MALRD1: variants seen among roughly 807,000 people sequenced by gnomAD.
MALRD1 encodes the protein MAM and LDL-receptor class A domain-containing protein 1.
In MALRD1, 247 loss-of-function variants were observed where a neutral mutation model predicts 242.1. That is an observed-to-expected ratio of 1.02 (90% CI 0.92 to 1.13). The LOEUF (loss-of-function observed/expected upper bound fraction) is 1.13. MALRD1 is among the 50% of genes most tolerant of loss of function. The pLI is 0.00. For synonymous variants in MALRD1, 995 were observed against 866.6 expected (o/e 1.15, Z -2.60); for missense variants, 2,989 against 2,533.1 (o/e 1.18, Z -3.86).
At chr10:19,312,382 A>ATATATATG (rs927808125) in intron 21 of MALRD1, among the ~76,000 whole-genome samples, 1 of 144,800 alleles carries the variant, frequency 6.9e-6, no homozygotes, top group African/African-American at 2.6e-5. Context: ...GAATGTGTAT[A>ATATATATG]TATATATATA....
At chr10:19,608,682 T>C (rs1838747380) in intron 35 of MALRD1, among the ~76,000 whole-genome samples, 1 of 152,112 alleles carries the variant, frequency 6.6e-6, no homozygotes, top group Non-Finnish European at 1.5e-5. Context: ...TCTGTATCTT[T>C]CAAGAGAGGA....
intron 36 of MALRD1, among the ~76,000 whole-genome samples, chr10:19,637,077 C>T (rs2131667742): frequency 6.6e-6 from 1 of 152,004 alleles, no homozygotes; most frequent in African/African-American, 2.4e-5. Flanking sequence ...AAATTGATAA[C>T]CAAAAAGTCA....
At chr10:19,077,521 C>G (rs2358286) in intron 2 of MALRD1, among the ~76,000 whole-genome samples, 75,918 of 151,564 alleles carry the variant, frequency 0.5, 19,099 homozygotes, top group Middle Eastern at 0.58. Context: ...TGCCCTGATT[C>G]AAGAGTTTGG....
chr10:19,054,555 A>G (rs1037689084), intron 1 of MALRD1, among the ~76,000 whole-genome samples: 14 of 152,128 alleles, frequency 9.2e-5, no homozygotes, highest in African/African-American at 3.4e-4. Flanking sequence ...TTATCTTCCC[A>G]TTATTGCCGC....
At chr10:19,142,229 G>A (rs1833575709) in intron 10 of MALRD1, among the ~76,000 whole-genome samples, 1 of 140,046 alleles carries the variant, frequency 7.1e-6, no homozygotes, top group Non-Finnish European at 1.6e-5. Context: ...TGAAGGGAAA[G>A]GAAATACCAA....
rs1554842468 is a variant in MALRD1 at position 19,376,542 on chromosome 10, C to CATTTTTTTTTTTTTTTTTTTTTTTTTTTT, written c.4442-10986_4442-10985insATTTTTTTTTTTTTTTTTTTTTTTTTTTT. Reference sequence around the variant, plus strand: ...TTGAAAGTCAAGGAGTTGATACATTCTTTTTTTTTTTTTTTTTTTTTTTTT... The same window carrying CATTTTTTTTTTTTTTTTTTTTTTTTTTTT: ...TTGAAAGTCAAGGAGTTGATACATTCATTTTTTTTTTTTTTTTTTTTTTTTTTTTTTTTTTTTTTTTTTTTTTTTTTTTT... On this transcript the variant is annotated intron_variant, in intron 26 of 39. Transcript: ENST00000454679. Among the ~76,000 whole-genome samples, 2 of 94,992 alleles carry CATTTTTTTTTTTTTTTTTTTTTTTTTTTT rather than the reference C, an allele frequency of 2.1e-5. 1 individual carries two copies. The allele number at this position is 94,992 out of a possible 152,430, so 62.3% of individuals were successfully genotyped here.
At chr10:19,417,739 A>G (rs973471946) in intron 28 of MALRD1, among the ~76,000 whole-genome samples, 1 of 152,166 alleles carries the variant, frequency 6.6e-6, no homozygotes, top group East Asian at 1.9e-4. Flanking sequence ...ATTCATTTTT[A>G]GGTACACCTT....
intron 26 of MALRD1, among the ~76,000 whole-genome samples, chr10:19,357,109 G>GA (rs11402108): frequency 0.75 from 109,887 of 146,328 alleles, 41,484 homozygotes; most frequent in African/African-American, 0.84. Context: ...GACTCTGTCT[G>GA]AAAAAAAAAA....
chr10:19,697,833 A>G (rs141487666), intron 38 of MALRD1, among the ~76,000 whole-genome samples: 3 of 151,350 alleles, frequency 2.0e-5, no homozygotes, highest in Non-Finnish European at 4.4e-5. Flanking sequence ...CCCTTTCCCT[A>G]TTTCTTTGTC....
chr10:19,263,414 A>G (rs1317324237), intron 19 of MALRD1, among the ~76,000 whole-genome samples: 3 of 151,974 alleles, frequency 2.0e-5, no homozygotes, highest in Non-Finnish European at 4.4e-5. Flanking sequence ...GCCTTTTCAT[A>G]TACCTGTTGT....
At chr10:19,361,033 A>G (rs1011634201) in intron 26 of MALRD1, among the ~76,000 whole-genome samples, 3 of 152,028 alleles carry the variant, frequency 2.0e-5, no homozygotes, top group Admixed American at 1.3e-4. Context: ...AAATCACCCA[A>G]GACTGGAGGT....
intron 4 of MALRD1, among the ~76,000 whole-genome samples, chr10:19,097,949 C>T (rs1229838016): frequency 6.6e-6 from 1 of 152,114 alleles, no homozygotes; most frequent in African/African-American, 2.4e-5. Context: ...AGGGTGGACG[C>T]GTTCCTCCTC....
chr10:19,515,685 G>A (rs1304829909), intron 31 of MALRD1, among the ~76,000 whole-genome samples: 2 of 151,696 alleles, frequency 1.3e-5, no homozygotes, highest in Admixed American at 1.3e-4. Flanking sequence ...TCAGCCTCCC[G>A]AGTAGCTGGG....
chr10:19,408,494 CA>C (rs1438915203), intron 28 of MALRD1, among the ~76,000 whole-genome samples: 1 of 152,006 alleles, frequency 6.6e-6, no homozygotes, highest in Non-Finnish European at 1.5e-5. Flanking sequence ...TCTATCCTTG[CA>C]ATGAATAGAT....
chr10:19,322,707 A>G (rs771137316), intron 21 of MALRD1, among the ~76,000 whole-genome samples: 1 of 152,194 alleles, frequency 6.6e-6, no homozygotes, highest in African/African-American at 2.4e-5. Context: ...AAGACTGAGC[A>G]CTCAGTAAAT....
intron 31 of MALRD1, among the ~76,000 whole-genome samples, chr10:19,503,338 G>A (rs915140390): frequency 3.3e-5 from 5 of 152,200 alleles, no homozygotes; most frequent in African/African-American, 9.6e-5. Flanking sequence ...CATCACAGCA[G>A]AGCTGTTAAT....
At position 19,347,723 on chromosome 10, in the gene MALRD1, T is replaced by C. The variant is rs1487867536; in HGVS notation, c.3902-48T>C. ...CAGTTTTGAATTGCATGTTTTAAAG[T>C]AGGCAAATTTCCATTTTCTGTAACA... On this transcript the variant is annotated intron_variant, in intron 24 of 39. Transcript: ENST00000454679. The C allele has an allele frequency of 7.1e-6, 11 of 1,540,880 alleles. No individual in the cohort carries two copies. The Admixed American group carries it at 1.8e-4, about 25-fold the overall frequency.
chr10:19,094,820 T>G (rs1306573892), intron 4 of MALRD1, among the ~76,000 whole-genome samples: 3 of 152,182 alleles, frequency 2.0e-5, no homozygotes, highest in Non-Finnish European at 2.9e-5. Context: ...TTAAAGCCAA[T>G]GCAAGCCTAT....
intron 38 of MALRD1, among the ~76,000 whole-genome samples, chr10:19,724,182 G>C (rs1176952089): frequency 1.3e-5 from 2 of 152,154 alleles, no homozygotes; most frequent in East Asian, 3.8e-4. Context: ...TGGAAACTAG[G>C]TGTCCGGTGA....
Sources: allele counts gnomAD v4.1 joint callset (sites outside exome capture counted in the v4.1 genomes callset), GRCh38; gene constraint gnomAD v4.1.1; transcripts MANE v1.5; gene names NCBI Gene and HGNC (gene_info 2026-07-23, HGNC 2026-07-21).